SMARCB1: variants seen among roughly 807,000 people sequenced by gnomAD.
SMARCB1 encodes the protein SWI/SNF-related matrix-associated actin-dependent regulator of chromatin subfamily B member 1.
SMARCB1 carries 5 observed loss-of-function variants against 49.0 expected under a neutral mutation model. The ratio of observed to expected loss-of-function variants is 0.10; its 90% CI spans 0.05 to 0.21. The LOEUF (loss-of-function observed/expected upper bound fraction) is 0.21, where lower values mean the gene tolerates loss of function less well. Among genes scored for constraint, SMARCB1 ranks in the 10% least tolerant of loss-of-function variants. The pLI, the probability that SMARCB1 is intolerant of heterozygous loss-of-function variation, is 1.00. For missense variants in SMARCB1, 226 were observed against 509.2 expected (o/e 0.44, Z 5.35); for synonymous variants, 201 against 200.1 (o/e 1.00, Z -0.04).
intron 4 of SMARCB1, chr22:23,802,980 G>A (rs139193336): frequency 2.0e-5 from 9 of 457,744 alleles, no homozygotes; most frequent in Non-Finnish European, 3.2e-5. Flanking sequence ...CTTTCCCATA[G>A]CCTTCCATGA....
chr22:23,807,396 T>C (rs1483507611), intron 5 of SMARCB1, among the ~76,000 whole-genome samples: 3 of 152,030 alleles, frequency 2.0e-5, no homozygotes, highest in Non-Finnish European at 4.4e-5. Flanking sequence ...CCAGCCTGGG[T>C]GTCACGGTGA....
At chr22:23,803,445 T>G in intron 5 of SMARCB1, 23 bp downstream of exon 5, 14 of 1,613,596 alleles carry the variant, frequency 8.7e-6, no homozygotes, top group Non-Finnish European at 1.2e-5. Flanking sequence ...CGGGCTTGGC[T>G]GGGCCTGGCC....
chr22:23,797,343 C>G (rs1207216740), intron 3 of SMARCB1, among the ~76,000 whole-genome samples: 1 of 144,920 alleles, frequency 6.9e-6, no homozygotes, highest in African/African-American at 2.6e-5. Context: ...GAGTTTCGCT[C>G]TGTCGCCCAG....
In SMARCB1 at chr22:23,834,702, TCTCAGCTCCC is replaced by T. The variant is rs1260177954; in HGVS notation, c.*529_*538del. 5.2e-6 allele frequency: 7 copies of T among 1,344,052 alleles called. No individual in the cohort carries two copies. Among genetic ancestry groups the T allele is most frequent in the East Asian group, 5.0e-5 (2 of 40,002 alleles). The allele number at this position is 1,344,052 out of a possible 1,614,324, so 83.3% of individuals were successfully genotyped here. Reference sequence around the variant, plus strand: ...GGGCTCCGGGTAGCACCTCAGCTCCTCTCAGCTCCCCTCAGCCTGTTCTCCTTCCAGACCC... The same window carrying T: ...GGGCTCCGGGTAGCACCTCAGCTCCTCTCAGCCTGTTCTCCTTCCAGACCC... On this transcript the variant is annotated 3_prime_UTR_variant, in exon 9 of 9. Transcript: ENST00000644036.
chr22:23,820,269 C>T (rs1601427150), intron 6 of SMARCB1, among the ~76,000 whole-genome samples: 2 of 152,156 alleles, frequency 1.3e-5, no homozygotes, highest in African/African-American at 2.4e-5. Context: ...TTGGTGTTAG[C>T]TCCTATTTAA....
rs1330904757 is a variant in SMARCB1 at position 23,836,881 on chromosome 22, G to GGGT, written c.*2704_*2706dup. On this transcript the variant is annotated 3_prime_UTR_variant, in exon 9 of 9. Transcript: ENST00000644036. ...CCCTGGGTGGGGGTCACTGCTGCGG[G>GGGT]GGTGGCAGATGGGGTCCTGGCTGTT... 6.8e-7 allele frequency: 1 copy of GGGT among 1,476,626 alleles called. No homozygotes were observed. Among genetic ancestry groups the GGGT allele is most frequent in the South Asian group, 1.4e-5 (1 of 70,572 alleles). The allele number at this position is 1,476,626 out of a possible 1,614,324, so 91.5% of individuals were successfully genotyped here. A position where few individuals can be genotyped will look rare whatever the true frequency, so the allele number is the denominator to read the frequency against.
Position 23,836,094 on chromosome 22 carries a change from A to G in SMARCB1, c.*1914A>G. On this transcript the variant is annotated 3_prime_UTR_variant, in exon 9 of 9. Transcript: ENST00000644036. The stretch of plus-strand genomic sequence containing the variant: ...GAGAAAAATGAGCCACAGGGGTCGG[A>G]TAAGGCTCACACACGTCCTCAGCTA... 2.0e-6 allele frequency: 2 copies of G among 985,500 alleles called. No individual in the cohort carries two copies. Among genetic ancestry groups the G allele is most frequent in the Non-Finnish European group, 2.4e-6 (2 of 829,966 alleles). 61.0% of individuals were successfully genotyped at this position (985,500 alleles called of 1,614,324 possible). A position where few individuals can be genotyped will look rare whatever the true frequency, so the allele number is the denominator to read the frequency against.
chr22:23,817,068 C>T (rs1930239221), intron 6 of SMARCB1, 132 bp downstream of exon 6: 4 of 741,156 alleles, frequency 5.4e-6, no homozygotes, highest in Admixed American at 2.1e-5. Flanking sequence ...AAAGTCATAA[C>T]ACCTGGCTTT....
chr22:23,821,873 AAAAG>A (rs1158203366), intron 6 of SMARCB1, among the ~76,000 whole-genome samples: 1 of 151,656 alleles, frequency 6.6e-6, no homozygotes, highest in Non-Finnish European at 1.5e-5. Context: ...AAAAAAAAAA[AAAAG>A]AAAAAAGAGA....
chr22:23,810,753 G>A (rs186353394), intron 5 of SMARCB1, among the ~76,000 whole-genome samples: 2 of 152,212 alleles, frequency 1.3e-5, no homozygotes, highest in East Asian at 3.9e-4. Context: ...TTTAAGGCTG[G>A]GCATGGTGGC....
chr22:23,797,337 T>C (rs1305590036), intron 3 of SMARCB1, among the ~76,000 whole-genome samples: 33 of 133,014 alleles, frequency 2.5e-4, no homozygotes, highest in Non-Finnish European at 4.3e-4. Context: ...GAGACGGAGT[T>C]TCGCTCTGTC....
At chr22:23,815,429 G>A (rs1250243850) in intron 5 of SMARCB1, 1 of 152,272 alleles carries the variant, frequency 6.6e-6, no homozygotes. Flanking sequence ...AGCTACTCGG[G>A]AGGCTGAAGC....
chr22:23,793,825 A>G, intron 3 of SMARCB1, 137 bp downstream of exon 3: 1 of 897,784 alleles, frequency 1.1e-6, no homozygotes, highest in Non-Finnish European at 1.7e-6. Context: ...CTTGTCGCCC[A>G]GGCTGGAGTG....
chr22:23,823,853 T>G (rs1043396239), intron 6 of SMARCB1: 2 of 152,166 alleles, frequency 1.3e-5, no homozygotes, highest in African/African-American at 4.8e-5. Flanking sequence ...CTACAAAATA[T>G]TAGCCAGACA....
intron 4 of SMARCB1, chr22:23,801,339 C>T (rs1158083279): frequency 2.6e-5 from 18 of 699,590 alleles, no homozygotes; most frequent in South Asian, 9.0e-5. Context: ...ACTCAGGGCG[C>T]GGTCCTTGGG....
In SMARCB1 at chr22:23,836,876, T is replaced by C. The variant is rs899047176; in HGVS notation, c.*2696T>C. On this transcript the variant is annotated 3_prime_UTR_variant, in exon 9 of 9. Transcript: ENST00000644036. Reference sequence around the variant, plus strand: ...CCTGGCCCTGGGTGGGGGTCACTGCTGCGGGGGTGGCAGATGGGGTCCTGG... The same window carrying C: ...CCTGGCCCTGGGTGGGGGTCACTGCCGCGGGGGTGGCAGATGGGGTCCTGG... 3.9e-5 allele frequency: 58 copies of C among 1,470,896 alleles called. No homozygotes were observed. Among genetic ancestry groups the C allele is most frequent in the Non-Finnish European group, 5.1e-5 (57 of 1,109,320 alleles). 91.1% of individuals were successfully genotyped at this position (1,470,896 alleles called of 1,614,324 possible).
Position 23,834,719 on chromosome 22 carries a change from C to T in SMARCB1, c.*539C>T, listed in dbSNP as rs1332138766. 1 of 1,419,110 alleles carries T rather than the reference C, an allele frequency of 7.0e-7. No homozygotes were observed. The highest frequency in any genetic ancestry group is 1.4e-5 in the African/African-American group (1 of 70,234). 87.9% of individuals were successfully genotyped at this position (1,419,110 alleles called of 1,614,324 possible). A position where few individuals can be genotyped will look rare whatever the true frequency, so the allele number is the denominator to read the frequency against. On this transcript the variant is annotated 3_prime_UTR_variant, in exon 9 of 9. Coordinates refer to ENST00000644036, the MANE Select transcript of SMARCB1 (RefSeq NM_003073.5). The stretch of plus-strand genomic sequence containing the variant: ...TCAGCTCCTCTCAGCTCCCCTCAGC[C>T]TGTTCTCCTTCCAGACCCAGAGAGC...
chr22:23,803,306 A>G lies in SMARCB1; in HGVS notation c.512A>G (p.His171Arg), dbSNP rs794727718. Residue 171 changes from histidine to arginine, a missense_variant, in exon 5 of 9, where the codon CAT becomes CGT. Coordinates refer to ENST00000644036, the MANE Select transcript of SMARCB1 (RefSeq NM_003073.5). ...CATTTCACTTTCAGCTTTGATGACCATGACCCAGCTGTGATCCATGAGAAC... is the reference window on the plus strand; with the variant it reads ...CATTTCACTTTCAGCTTTGATGACCGTGACCCAGCTGTGATCCATGAGAAC... ...KRTFPLCFDD[H>R]DPAVIHENAS... is the part of the protein sequence containing the mutation. The G allele has an allele frequency of 6.2e-7, 1 of 1,614,160 alleles. No individual in the cohort carries two copies. Among genetic ancestry groups the G allele is most frequent in the Non-Finnish European group, 8.5e-7 (1 of 1,180,034 alleles).
rs544723395 is a variant in SMARCB1 at position 23,823,828 on chromosome 22, G to A, written c.796-1397G>A. 9.6e-4 allele frequency: 146 copies of A among 152,204 alleles called. 1 individual carries two copies. Among genetic ancestry groups the A allele is most frequent in the Admixed American group, 3.0e-3 (46 of 15,274 alleles). 9.4% of individuals were successfully genotyped at this position (152,204 alleles called of 1,614,324 possible). A position where few individuals can be genotyped will look rare whatever the true frequency, so the allele number is the denominator to read the frequency against. ...ACACTTGATACATTGCCTGGGCCTT[G>A]TAGAAACCTTGTCTCTACAAAATAT... is the stretch of plus-strand genomic sequence containing the variant. On this transcript the variant is annotated intron_variant, in intron 6 of 8. Coordinates refer to ENST00000644036, the MANE Select transcript of SMARCB1 (RefSeq NM_003073.5).
Sources: allele counts gnomAD v4.1 joint callset (sites outside exome capture counted in the v4.1 genomes callset), GRCh38; gene constraint gnomAD v4.1.1; transcripts MANE v1.5; gene names NCBI Gene and HGNC (gene_info 2026-07-23, HGNC 2026-07-21).